SOX5: variants seen among roughly 807,000 people sequenced by gnomAD.
SOX5 encodes transcription factor SOX-5.
A neutral mutation model predicts 92.0 loss-of-function variants in SOX5; 9 were observed. The observed-to-expected ratio is 0.10, with a 90% CI of 0.06 to 0.17. The LOEUF is 0.17. Ranked by LOEUF, SOX5 falls within the 10% of genes least tolerant of loss-of-function variation. SOX5 has a pLI of 1.00. For missense variants in SOX5, 642 were observed against 944.5 expected (o/e 0.68, Z 4.20); for synonymous variants, 344 against 336.3 (o/e 1.02, Z -0.25).
intron 4 of SOX5, among the ~76,000 whole-genome samples, chr12:24,169,146 T>C (rs1485721930): frequency 2.0e-5 from 3 of 152,098 alleles, no homozygotes; most frequent in African/African-American, 7.2e-5. Context: ...GATTAAAAGG[T>C]CCTTCTCAAG....
At chr12:23,969,936 G>A (rs149117143) in intron 4 of SOX5, among the ~76,000 whole-genome samples, 7 of 152,042 alleles carry the variant, frequency 4.6e-5, no homozygotes, top group African/African-American at 1.7e-4. Flanking sequence ...CAAGTGTGCC[G>A]GCAAAACTCC....
Position 23,844,214 on chromosome 12 carries a change from C to T in SOX5, c.481+1769G>A, listed in dbSNP as rs191852287. ...CTGACTGGGAGCTATGGCTCCCTGC[C>T]GCTGCCCAGCAATGAGAGAGAGTAT... On this transcript the variant is annotated intron_variant, in intron 3 of 14. Coordinates refer to ENST00000451604, the MANE Select transcript of SOX5 (RefSeq NM_006940.6). Among the ~76,000 whole-genome samples the T allele has an allele frequency of 1.8e-4, 27 of 152,228 alleles. No homozygotes were observed. The East Asian group carries it at 4.6e-3, about 26-fold the overall frequency.
intron 3 of SOX5, among the ~76,000 whole-genome samples, chr12:23,783,397 C>G (rs2095319863): frequency 6.6e-6 from 1 of 152,060 alleles, no homozygotes; most frequent in Non-Finnish European, 1.5e-5. Flanking sequence ...GGGGGAAGAA[C>G]AGATAATCAA....
chr12:23,766,531 T>A (rs1456503097), intron 3 of SOX5, among the ~76,000 whole-genome samples: 1 of 152,148 alleles, frequency 6.6e-6, no homozygotes, highest in Non-Finnish European at 1.5e-5. Flanking sequence ...AATTCCTTGA[T>A]GAAAACACTG....
chr12:23,605,140 C>A (rs1357523716), intron 8 of SOX5, among the ~76,000 whole-genome samples: 3 of 152,052 alleles, frequency 2.0e-5, no homozygotes, highest in Non-Finnish European at 4.4e-5. Context: ...TAAACACAGA[C>A]AAATCTCAAA....
chr12:23,586,952 A>G (rs1950839037), intron 9 of SOX5, among the ~76,000 whole-genome samples: 1 of 150,816 alleles, frequency 6.6e-6, no homozygotes. Context: ...TTTTTACCTG[A>G]GAACTTCTCC....
intron 4 of SOX5, among the ~76,000 whole-genome samples, chr12:23,746,380 A>G (rs1348170216): frequency 1.3e-5 from 2 of 152,184 alleles, no homozygotes; most frequent in East Asian, 3.9e-4. Context: ...GTGTGTGTCT[A>G]TATAGTGTAT....
At chr12:23,763,088 T>G (rs2094609469) in intron 3 of SOX5, among the ~76,000 whole-genome samples, 1 of 152,204 alleles carries the variant, frequency 6.6e-6, no homozygotes, top group African/African-American at 2.4e-5. Context: ...CTACCAAATA[T>G]TTACAATGAT....
intron 3 of SOX5, among the ~76,000 whole-genome samples, chr12:23,779,814 T>TATATATATATATATATATATAC (rs777013504): frequency 9.0e-6 from 1 of 110,812 alleles, no homozygotes; most frequent in African/African-American, 3.7e-5. Flanking sequence ...TATATATATA[T>TATATATATATATATATATATAC]ACACACACAC....
chr12:24,324,372 TTC>T (rs936166944), intron 2 of SOX5, among the ~76,000 whole-genome samples: 2 of 152,274 alleles, frequency 1.3e-5, no homozygotes, highest in Non-Finnish European at 2.9e-5. Flanking sequence ...ACAAGCTATC[TTC>T]TGTCTCTGAT....
chr12:23,620,182 A>G (rs531932650), intron 8 of SOX5, among the ~76,000 whole-genome samples: 1 of 152,220 alleles, frequency 6.6e-6, no homozygotes, highest in Admixed American at 6.6e-5. Flanking sequence ...TGGCAGAAAA[A>G]CTACGTGCTG....
intron 2 of SOX5, among the ~76,000 whole-genome samples, chr12:23,850,789 T>A (rs2096625094): frequency 6.6e-6 from 1 of 152,196 alleles, no homozygotes; most frequent in African/African-American, 2.4e-5. Flanking sequence ...GGACTACCGA[T>A]CCCTTGAAGA....
chr12:23,890,998 C>T (rs1278538456), intron 2 of SOX5, among the ~76,000 whole-genome samples: 1 of 152,098 alleles, frequency 6.6e-6, no homozygotes. Flanking sequence ...ATTATGAAAG[C>T]TTCAGAGAAG....
intron 2 of SOX5, among the ~76,000 whole-genome samples, chr12:24,323,253 G>A (rs978575085): frequency 1.3e-5 from 2 of 151,482 alleles, no homozygotes; most frequent in Non-Finnish European, 2.9e-5. Context: ...AAATAGTAGG[G>A]TAGGTTGATA....
At chr12:23,600,425 A>T (rs1250898289) in intron 9 of SOX5, among the ~76,000 whole-genome samples, 2 of 150,286 alleles carry the variant, frequency 1.3e-5, no homozygotes, top group Non-Finnish European at 3.0e-5. Context: ...ATTTAGAAAA[A>T]TTTTATTGTA....
At chr12:24,273,149 C>T (rs575028008) in intron 3 of SOX5, among the ~76,000 whole-genome samples, 4 of 152,276 alleles carry the variant, frequency 2.6e-5, no homozygotes, top group Admixed American at 6.5e-5. Flanking sequence ...ATACCAGCTA[C>T]TTGGGAGGCT....
intron 4 of SOX5, among the ~76,000 whole-genome samples, chr12:23,959,432 C>A (rs1291879908): frequency 6.6e-6 from 1 of 151,820 alleles, no homozygotes; most frequent in Non-Finnish European, 1.5e-5. Flanking sequence ...AATATCTAAA[C>A]ATAAAGAATA....
At chr12:23,909,468 T>C (rs563526464) in intron 1 of SOX5, among the ~76,000 whole-genome samples, 1 of 152,136 alleles carries the variant, frequency 6.6e-6, no homozygotes, top group Non-Finnish European at 1.5e-5. Flanking sequence ...AGTACAAAAA[T>C]TGAAACAAAA....
chr12:24,398,863 C>T (rs1367066784), intron 1 of SOX5, among the ~76,000 whole-genome samples: 1 of 151,802 alleles, frequency 6.6e-6, no homozygotes, highest in Non-Finnish European at 1.5e-5. Flanking sequence ...CATGAGATAC[C>T]AGTGCTGTGG....
Sources: allele counts gnomAD v4.1 joint callset (sites outside exome capture counted in the v4.1 genomes callset), GRCh38; gene constraint gnomAD v4.1.1; transcripts MANE v1.5; gene names NCBI Gene and HGNC (gene_info 2026-07-23, HGNC 2026-07-21).